Variants in MECOM observed in about 807,000 individuals in gnomAD.
The protein encoded by MECOM is histone-lysine N-methyltransferase MECOM.
A neutral mutation model predicts 116.3 loss-of-function variants in MECOM; 13 were observed. The observed-to-expected ratio is 0.11, with a 90% CI of 0.07 to 0.18. The LOEUF is 0.18. Ranked by LOEUF, MECOM falls within the 10% of genes least tolerant of loss-of-function variation. MECOM has a pLI of 1.00. For missense variants in MECOM, 1,299 were observed against 1,509.0 expected (o/e 0.86, Z 2.31); for synonymous variants, 528 against 535.2 (o/e 0.99, Z 0.19).
intron 2 of MECOM, among the ~76,000 whole-genome samples, chr3:169,249,253 G>A (rs1425091178): frequency 1.3e-5 from 2 of 152,092 alleles, no homozygotes; most frequent in East Asian, 3.9e-4. Flanking sequence ...TAAATGGAAG[G>A]GAAGCTACCA....
At chr3:169,585,002 T>C (rs1765617724) in intron 1 of MECOM, among the ~76,000 whole-genome samples, 1 of 152,214 alleles carries the variant, frequency 6.6e-6, no homozygotes, top group Admixed American at 6.5e-5. Context: ...TGTCTTTCAT[T>C]TCCACAGATT....
chr3:169,601,719 C>T (rs1206674995), intron 1 of MECOM, among the ~76,000 whole-genome samples: 2 of 152,040 alleles, frequency 1.3e-5, no homozygotes, highest in Non-Finnish European at 2.9e-5. Context: ...GAAAATGTGC[C>T]CCATCCCAAA....
intron 1 of MECOM, among the ~76,000 whole-genome samples, chr3:169,499,346 CAAAAAAAAAAAA>C (rs60302997): frequency 1.2e-4 from 6 of 51,578 alleles, no homozygotes; most frequent in Admixed American, 6.1e-4. Flanking sequence ...AGATTACCCA[CAAAAAAAAAAAA>C]AAAAAAAAAA....
At chr3:169,296,328 G>A (rs555136204) in intron 2 of MECOM, among the ~76,000 whole-genome samples, 9 of 152,328 alleles carry the variant, frequency 5.9e-5, no homozygotes, top group African/African-American at 2.2e-4. Flanking sequence ...AGAACAGAGT[G>A]AGTGGGAGTG....
At chr3:169,563,547 G>A (rs1361791447) in intron 1 of MECOM, among the ~76,000 whole-genome samples, 2 of 152,078 alleles carry the variant, frequency 1.3e-5, no homozygotes, top group Non-Finnish European at 2.9e-5. Context: ...GTCTGCATCT[G>A]GAGGTAAATT....
chr3:169,490,121 G>C (rs1316084326), intron 1 of MECOM, among the ~76,000 whole-genome samples: 1 of 152,206 alleles, frequency 6.6e-6, no homozygotes, highest in Non-Finnish European at 1.5e-5. Context: ...TTAGTAAAGA[G>C]AGAAAGTCAA....
intron 1 of MECOM, among the ~76,000 whole-genome samples, chr3:169,606,905 T>C (rs1035108693): frequency 6.6e-6 from 1 of 152,208 alleles, no homozygotes; most frequent in Non-Finnish European, 1.5e-5. Context: ...GGCATGATCA[T>C]GTCTTCCTCC....
chr3:169,352,893 A>G (rs1020695639), intron 2 of MECOM, among the ~76,000 whole-genome samples: 12 of 152,036 alleles, frequency 7.9e-5, no homozygotes, highest in Non-Finnish European at 7.4e-5. Flanking sequence ...TGTCCCTCTC[A>G]AGTACACAAT....
chr3:169,357,056 G>C (rs1278676255), intron 2 of MECOM, among the ~76,000 whole-genome samples: 1 of 151,770 alleles, frequency 6.6e-6, no homozygotes, highest in Non-Finnish European at 1.5e-5. Flanking sequence ...CCGCATTTCT[G>C]TTTCTATTTT....
intron 2 of MECOM, among the ~76,000 whole-genome samples, chr3:169,252,424 C>T (rs1182821307): frequency 6.6e-6 from 1 of 151,298 alleles, no homozygotes; most frequent in African/African-American, 2.4e-5. Context: ...TGGGATATGA[C>T]CAAGTACATA....
intron 1 of MECOM, among the ~76,000 whole-genome samples, chr3:169,553,103 C>T (rs1205454662): frequency 6.6e-6 from 1 of 151,772 alleles, no homozygotes; most frequent in Non-Finnish European, 1.5e-5. Flanking sequence ...TCTGTTCATT[C>T]TACCTTAGAC....
chr3:169,601,427 C>T (rs571816031), intron 1 of MECOM, among the ~76,000 whole-genome samples: 4 of 152,298 alleles, frequency 2.6e-5, no homozygotes, highest in Admixed American at 2.0e-4. Flanking sequence ...CCAGGCATGC[C>T]TCATTCCCAC....
chr3:169,241,321 G>A (rs999926724), intron 2 of MECOM, among the ~76,000 whole-genome samples: 1 of 152,008 alleles, frequency 6.6e-6, no homozygotes, highest in African/African-American at 2.4e-5. Context: ...CCTCCATCAA[G>A]TAAAAAACTT....
chr3:169,149,935 C>CTGTGTGTGTGTG (rs58944452), intron 2 of MECOM, among the ~76,000 whole-genome samples: 4 of 131,238 alleles, frequency 3.0e-5, no homozygotes, highest in African/African-American at 5.9e-5. Context: ...TTCTCTCTCT[C>CTGTGTGTGTGTG]TGTGTGTGTG....
chr3:169,575,251 G>T (rs1764353740), intron 1 of MECOM, among the ~76,000 whole-genome samples: 1 of 152,144 alleles, frequency 6.6e-6, no homozygotes, highest in South Asian at 2.1e-4. Flanking sequence ...TAAGTTTTCT[G>T]CATGCAGAAA....
intron 1 of MECOM, among the ~76,000 whole-genome samples, chr3:169,642,477 A>C (rs1432410671): frequency 6.6e-6 from 1 of 151,516 alleles, no homozygotes; most frequent in East Asian, 1.9e-4. Context: ...AGAAAACTGC[A>C]AATTCATCCA....
intron 2 of MECOM, among the ~76,000 whole-genome samples, chr3:169,307,626 T>C (rs1339749270): frequency 6.6e-6 from 1 of 152,244 alleles, no homozygotes; most frequent in African/African-American, 2.4e-5. Flanking sequence ...TCCTTACTTA[T>C]AAGTGTAAAT....
intron 2 of MECOM, among the ~76,000 whole-genome samples, chr3:169,252,053 G>A (rs751145630): frequency 1.4e-4 from 21 of 152,146 alleles, no homozygotes; most frequent in Non-Finnish European, 2.6e-4. Context: ...TGGATAGAAG[G>A]TCATTTCAAT....
chr3:169,472,542 G>GAAAAGAAAA (rs1560318087), intron 1 of MECOM, among the ~76,000 whole-genome samples: 2 of 69,140 alleles, frequency 2.9e-5, no homozygotes, highest in Non-Finnish European at 5.5e-5. Context: ...GAAAAGGAAA[G>GAAAAGAAAA]GAAAGGAAAA....
Sources: gnomAD v4.1 joint callset for allele counts (sites outside exome capture counted in the v4.1 genomes callset) on GRCh38, gnomAD v4.1.1 for gene constraint, MANE v1.5 for transcripts, NCBI Gene and HGNC (gene_info 2026-07-23, HGNC 2026-07-21) for gene names.